UBE2L3: variants seen among roughly 807,000 people sequenced by gnomAD.
The protein encoded by UBE2L3 is ubiquitin conjugating enzyme E2 L3, also known as ubiquitin-conjugating enzyme E2 L3.
UBE2L3 carries 1 observed loss-of-function variant against 17.8 expected under a neutral mutation model. The observed-to-expected ratio is 0.06, with a 90% CI of 0.02 to 0.27. The LOEUF is 0.27. Among genes scored for constraint, UBE2L3 ranks in the 10% least tolerant of loss-of-function variants. UBE2L3 has a pLI of 1.00. For missense variants in UBE2L3, 40 were observed against 192.6 expected (o/e 0.21, Z 4.69); for synonymous variants, 44 against 68.5 (o/e 0.64, Z 1.76).
upstream of UBE2L3, among the ~76,000 whole-genome samples, chr22:21,564,613 G>T (rs1361819808): frequency 6.6e-6 from 1 of 152,206 alleles, no homozygotes; most frequent in Non-Finnish European, 1.5e-5. Flanking sequence ...CGGTGAGGAT[G>T]TAAGAAGATG....
At chr22:21,567,703 G>T (rs1296030218), upstream of UBE2L3, 2 of 1,565,636 alleles carry the variant, frequency 1.3e-6, no homozygotes, top group East Asian at 2.3e-5. Context: ...CCGCCCGGCC[G>T]GCCGCGATGC....
chr22:21,598,119 C>A (rs964197032), intron 2 of UBE2L3, among the ~76,000 whole-genome samples: 4 of 149,586 alleles, frequency 2.7e-5, no homozygotes, highest in Non-Finnish European at 4.4e-5. Context: ...TAATATGAGT[C>A]TTTTCTCTTT....
intron 3 of UBE2L3, among the ~76,000 whole-genome samples, chr22:21,611,720 C>T (rs1179715691): frequency 6.6e-6 from 1 of 152,168 alleles, no homozygotes; most frequent in Non-Finnish European, 1.5e-5. Flanking sequence ...CTTTTGTCCC[C>T]TAGAAGTGAC....
chr22:21,562,524 A>T (rs1235001554), intron 1 of UBE2L3, among the ~76,000 whole-genome samples: 2 of 151,532 alleles, frequency 1.3e-5, no homozygotes, highest in Non-Finnish European at 2.9e-5. Flanking sequence ...AGCACCCGCC[A>T]CCACGCCCAG....
At chr22:21,598,790 T>C (rs1311141203) in intron 2 of UBE2L3, among the ~76,000 whole-genome samples, 2 of 151,838 alleles carry the variant, frequency 1.3e-5, no homozygotes, top group African/African-American at 4.8e-5. Flanking sequence ...TGCCTCAGCC[T>C]CCCAAAGTGC....
intron 1 of UBE2L3, among the ~76,000 whole-genome samples, chr22:21,581,155 A>G (rs1601405883): frequency 6.6e-6 from 1 of 151,728 alleles, no homozygotes; most frequent in Non-Finnish European, 1.5e-5. Context: ...CCCAGGTTCA[A>G]ACAATTCTCC....
chr22:21,597,775 ATTTTTTTTT>A (rs35054754), intron 2 of UBE2L3, among the ~76,000 whole-genome samples: 61 of 25,592 alleles, frequency 2.4e-3, no homozygotes, highest in African/African-American at 3.5e-3. Flanking sequence ...TTATATGTAG[ATTTTTTTTT>A]TTTTTTTTTT....
At chr22:21,603,663 G>GA (rs1366428126) in intron 2 of UBE2L3, among the ~76,000 whole-genome samples, 5 of 151,390 alleles carry the variant, frequency 3.3e-5, no homozygotes, top group Non-Finnish European at 5.9e-5. Flanking sequence ...TTAACACGGT[G>GA]AAACCCCGTC....
At chr22:21,621,440 C>T in intron 3 of UBE2L3, 75 bp from the exon 4 acceptor site, 2 of 1,484,240 alleles carry the variant, frequency 1.3e-6, no homozygotes, top group Non-Finnish European at 1.8e-6. Context: ...AGTTTTGTTC[C>T]CGGATTAGCT....
upstream of UBE2L3, among the ~76,000 whole-genome samples, chr22:21,565,056 T>TAA (rs1214043467): frequency 6.6e-6 from 1 of 152,028 alleles, no homozygotes; most frequent in Non-Finnish European, 1.5e-5. Flanking sequence ...GCTCCCAAGA[T>TAA]GAGTGTGAGG....
At chr22:21,613,029 C>T (rs963397864) in intron 3 of UBE2L3, among the ~76,000 whole-genome samples, 22 of 152,106 alleles carry the variant, frequency 1.4e-4, no homozygotes, top group Non-Finnish European at 2.4e-4. Flanking sequence ...GAGTCCTTGC[C>T]GAGTCATGTC....
rs903113110 is a variant in UBE2L3 at position 21,624,024 on chromosome 22, C to G, written c.*2355C>G. The G allele has an allele frequency of 1.3e-5, 2 of 152,376 alleles. No homozygotes were observed. Among genetic ancestry groups the G allele is most frequent in the African/African-American group, 2.4e-5 (1 of 41,460 alleles). The allele number at this position is 152,376 out of a possible 1,614,324, so 9.4% of individuals were successfully genotyped here. A position where few individuals can be genotyped will look rare whatever the true frequency, so the allele number is the denominator to read the frequency against. On this transcript the variant is annotated 3_prime_UTR_variant, in exon 4 of 4. Coordinates refer to ENST00000342192, the MANE Select transcript of UBE2L3 (RefSeq NM_003347.4). ...TTCTGCTGCCCGTAATAAAAATGCT[C>G]TCAGACACTGGTTAGTCGTGTGGGT...
chr22:21,590,154 C>T (rs981508575), intron 1 of UBE2L3, among the ~76,000 whole-genome samples: 2 of 151,760 alleles, frequency 1.3e-5, no homozygotes, highest in Admixed American at 1.3e-4. Flanking sequence ...TTTTATAATT[C>T]TTGTGAAATT....
intron 2 of UBE2L3, among the ~76,000 whole-genome samples, chr22:21,598,850 CT>C (rs58077207): frequency 0.31 from 46,261 of 148,538 alleles, 8,238 homozygotes; most frequent in East Asian, 0.51. Flanking sequence ...AGTTCCATTT[CT>C]TTTTTTTTTG....
rs1390438902 is a variant in UBE2L3, at chr22:21,623,072, C to T, written c.*1403C>T. On this transcript the variant is annotated 3_prime_UTR_variant, in exon 4 of 4. Transcript: ENST00000342192. ...TCCAAATGCCGTGTGTCACCAACCC[C>T]GCTTCTGCCACTGGCGGCTTCCCTT... 6.6e-6 allele frequency: 1 copy of T among 152,344 alleles called. No homozygotes were observed. The highest frequency in any genetic ancestry group is 1.9e-4 in the East Asian group (1 of 5,334). 9.4% of individuals were successfully genotyped at this position (152,344 alleles called of 1,614,324 possible).
At position 21,575,930 on chromosome 22, in the gene UBE2L3, C is replaced by G. The variant is rs1176996070; in HGVS notation, c.27+8159C>G. Among the ~76,000 whole-genome samples the G allele has an allele frequency of 3.9e-5, 6 of 152,020 alleles. No individual in the cohort carries two copies. In the East Asian group the frequency reaches 1.2e-3, roughly 30 times the overall value. The stretch of plus-strand genomic sequence containing the variant: ...GGATTACAGGCGTGAGCCACTGTGC[C>G]CAGCTTAAAATTGAATAGCTCTTGA... On this transcript the variant is annotated intron_variant, in intron 1 of 3. Coordinates refer to ENST00000342192, the MANE Select transcript of UBE2L3 (RefSeq NM_003347.4).
chr22:21,609,974 C>T (rs1165435094), intron 2 of UBE2L3, among the ~76,000 whole-genome samples: 3 of 151,978 alleles, frequency 2.0e-5, no homozygotes, highest in Non-Finnish European at 4.4e-5. Flanking sequence ...TGCGGTGAGC[C>T]AAGATCGTGC....
At chr22:21,571,357 A>C (rs1926952227) in intron 1 of UBE2L3, among the ~76,000 whole-genome samples, 1 of 152,166 alleles carries the variant, frequency 6.6e-6, no homozygotes, top group Admixed American at 6.5e-5. Flanking sequence ...CTTTTCTCAG[A>C]GGGGAAATCT....
At chr22:21,601,884 A>G (rs1474053530) in intron 2 of UBE2L3, among the ~76,000 whole-genome samples, 1 of 150,740 alleles carries the variant, frequency 6.6e-6, no homozygotes, top group African/African-American at 2.4e-5. Flanking sequence ...AGGCAGGAGA[A>G]TGGCGTGAAC....
Sources: allele counts gnomAD v4.1 joint callset (sites outside exome capture counted in the v4.1 genomes callset), GRCh38; gene constraint gnomAD v4.1.1; transcripts MANE v1.5; gene names NCBI Gene and HGNC (gene_info 2026-07-23, HGNC 2026-07-21).